The following NALF1 variants were observed in gnomAD, a reference collection of about 807,000 sequenced individuals.
NALF1 encodes family with sequence similarity 155 member A.
NALF1 carries 3 observed loss-of-function variants against 48.4 expected under a neutral mutation model. The ratio of observed to expected loss-of-function variants is 0.06; its 90% CI spans 0.03 to 0.16. NALF1 has a LOEUF of 0.16. Ranked by LOEUF, NALF1 falls within the 10% of genes least tolerant of loss-of-function variation. The pLI is 1.00. For missense variants in NALF1, 526 were observed against 571.5 expected, an observed-to-expected ratio of 0.92 and a Z score of 0.81; for synonymous variants, 262 against 245.7, an observed-to-expected ratio of 1.07 and a Z score of -0.62.
At chr13:107,758,995 C>T (rs761564696) in intron 1 of NALF1, among the ~76,000 whole-genome samples, 54 of 151,840 alleles carry the variant, frequency 3.6e-4, no homozygotes, top group Non-Finnish European at 5.4e-4. Flanking sequence ...ACAACCAATT[C>T]CAGTTGCCTG....
At chr13:107,699,464 G>C (rs1881771578) in intron 1 of NALF1, among the ~76,000 whole-genome samples, 1 of 152,038 alleles carries the variant, frequency 6.6e-6, no homozygotes. Flanking sequence ...TCTAAAACAG[G>C]CCACTGAAAG....
intron 2 of NALF1, among the ~76,000 whole-genome samples, chr13:107,173,552 C>A (rs367771696): frequency 1.5e-4 from 23 of 152,292 alleles, no homozygotes; most frequent in African/African-American, 5.5e-4. Flanking sequence ...ATATCTCCTG[C>A]AGCCTCCCAC....
intron 1 of NALF1, among the ~76,000 whole-genome samples, chr13:107,790,498 TATG>T (rs1160226320): frequency 6.6e-6 from 1 of 152,198 alleles, no homozygotes; most frequent in Admixed American, 6.5e-5. Context: ...TCATCTCCTA[TATG>T]ATGAAGTTTT....
intron 1 of NALF1, among the ~76,000 whole-genome samples, chr13:107,667,558 T>C (rs1000816593): frequency 6.6e-6 from 1 of 152,096 alleles, no homozygotes; most frequent in African/African-American, 2.4e-5. Flanking sequence ...CTAAATGATT[T>C]CTAAGGTTCT....
At chr13:107,184,346 C>A (rs566392626) in intron 2 of NALF1, among the ~76,000 whole-genome samples, 1 of 152,100 alleles carries the variant, frequency 6.6e-6, no homozygotes, top group African/African-American at 2.4e-5. Flanking sequence ...CATTTTAATG[C>A]GCCGATGGAA....
At chr13:107,201,066 G>A (rs984710467) in intron 2 of NALF1, among the ~76,000 whole-genome samples, 14 of 152,140 alleles carry the variant, frequency 9.2e-5, no homozygotes, top group African/African-American at 3.4e-4. Context: ...GAACTATTTT[G>A]GCTTTTGTCT....
intron 1 of NALF1, among the ~76,000 whole-genome samples, chr13:107,716,379 G>T (rs531248614): frequency 2.0e-5 from 3 of 152,070 alleles, no homozygotes; most frequent in Non-Finnish European, 4.4e-5. Context: ...TCTTTAACCC[G>T]CCCTGCAAAG....
intron 1 of NALF1, among the ~76,000 whole-genome samples, chr13:107,222,343 C>G (rs1157035134): frequency 6.6e-6 from 1 of 152,126 alleles, no homozygotes; most frequent in Non-Finnish European, 1.5e-5. Flanking sequence ...ACTTGCTAAA[C>G]ATTTTTAGTA....
chr13:107,801,218 A>C lies in NALF1; in HGVS notation c.915+64464T>G, dbSNP rs761555928. Reference sequence around the variant, plus strand: ...GTGCCATTTGCTGTCACAGAATTCTAGACGTTCTAGATGAGTGAATATAAT... The same window carrying C: ...GTGCCATTTGCTGTCACAGAATTCTCGACGTTCTAGATGAGTGAATATAAT... On this transcript the variant is annotated intron_variant, in intron 1 of 2. Transcript: ENST00000375915. 3.9e-5 allele frequency among the ~76,000 whole-genome samples: 6 copies of C among 152,308 alleles called. 1 individual carries two copies. The South Asian group carries it at 1.0e-3, about 26-fold the overall frequency.
At chr13:107,646,175 T>C (rs1319352575) in intron 1 of NALF1, among the ~76,000 whole-genome samples, 1 of 151,986 alleles carries the variant, frequency 6.6e-6, no homozygotes, top group Non-Finnish European at 1.5e-5. Flanking sequence ...GGAACGCTGG[T>C]CAACAAGCTA....
intron 1 of NALF1, among the ~76,000 whole-genome samples, chr13:107,811,356 A>G (rs1353939303): frequency 6.6e-6 from 1 of 152,228 alleles, no homozygotes; most frequent in Non-Finnish European, 1.5e-5. Context: ...GCCACAGTCT[A>G]TAAATGTCCC....
At chr13:107,458,003 T>C (rs759680708) in intron 1 of NALF1, among the ~76,000 whole-genome samples, 2 of 146,784 alleles carry the variant, frequency 1.4e-5, no homozygotes, top group Non-Finnish European at 3.0e-5. Flanking sequence ...GATCTTAATC[T>C]CTCATACTCT....
chr13:107,296,073 G>A (rs149635935), intron 1 of NALF1, among the ~76,000 whole-genome samples: 2 of 152,184 alleles, frequency 1.3e-5, no homozygotes, highest in African/African-American at 2.4e-5. Flanking sequence ...TTGCCAACTT[G>A]GCACTATTTC....
chr13:107,578,325 T>A (rs759885365), intron 1 of NALF1, among the ~76,000 whole-genome samples: 17 of 152,228 alleles, frequency 1.1e-4, no homozygotes, highest in Admixed American at 2.6e-4. Flanking sequence ...TTGACATTAG[T>A]CTTGCCGTGT....
intron 1 of NALF1, among the ~76,000 whole-genome samples, chr13:107,596,767 A>G (rs888710763): frequency 1.3e-5 from 2 of 152,298 alleles, no homozygotes; most frequent in African/African-American, 2.4e-5. Context: ...GAACATGTAT[A>G]CATATATAAC....
At chr13:107,673,446 G>T (rs995341400) in intron 1 of NALF1, among the ~76,000 whole-genome samples, 14 of 152,250 alleles carry the variant, frequency 9.2e-5, no homozygotes, top group Admixed American at 9.2e-4. Context: ...TCAACTTGAC[G>T]ATATGGTGCT....
intron 1 of NALF1, among the ~76,000 whole-genome samples, chr13:107,429,161 T>C (rs1884331693): frequency 6.6e-6 from 1 of 151,726 alleles, no homozygotes; most frequent in African/African-American, 2.4e-5. Flanking sequence ...CCCTCTCTAC[T>C]GAAATATAAA....
chr13:107,246,278 G>C (rs747099698), intron 1 of NALF1, among the ~76,000 whole-genome samples: 2 of 152,070 alleles, frequency 1.3e-5, no homozygotes, highest in African/African-American at 2.4e-5. Flanking sequence ...CTTATATTCA[G>C]TTCACATCAT....
At chr13:107,221,333 T>C (rs1261700855) in intron 1 of NALF1, among the ~76,000 whole-genome samples, 5 of 152,194 alleles carry the variant, frequency 3.3e-5, no homozygotes, top group Non-Finnish European at 7.3e-5. Flanking sequence ...AGCCTAGTAC[T>C]TTGGGAGGCC....
Sources: allele counts gnomAD v4.1 joint callset (sites outside exome capture counted in the v4.1 genomes callset), GRCh38; gene constraint gnomAD v4.1.1; transcripts MANE v1.5; gene names NCBI Gene and HGNC (gene_info 2026-07-23, HGNC 2026-07-21).